GABRA3: variants seen among roughly 807,000 people sequenced by gnomAD.
GABRA3 encodes the protein gamma-aminobutyric acid receptor subunit alpha-3.
In GABRA3, 10 loss-of-function variants were observed where a neutral mutation model predicts 30.1. That is an observed-to-expected ratio of 0.33 (90% CI 0.20 to 0.56). GABRA3 has a LOEUF of 0.56. GABRA3 is among the 20% of genes least tolerant of loss of function. The pLI is 0.89. For missense variants in GABRA3, 233 were observed against 392.0 expected (o/e 0.59, Z 3.42); for synonymous variants, 151 against 146.8 (o/e 1.03, Z -0.21).
chrX:152,418,813 A>G (rs1029427964), intron 1 of GABRA3, among the ~76,000 whole-genome samples: 2 of 111,885 alleles, frequency 1.8e-5, no homozygotes, highest in Non-Finnish European at 3.8e-5. Flanking sequence ...AGGATTATAA[A>G]TCATGATGCT....
intron 9 of GABRA3, among the ~76,000 whole-genome samples, chrX:152,186,158 C>T (rs1222870265): frequency 9.0e-6 from 1 of 111,485 alleles, no homozygotes; most frequent in Non-Finnish European, 1.9e-5. Context: ...CCCCAGGGAC[C>T]TCCATTCAGT....
intron 1 of GABRA3, among the ~76,000 whole-genome samples, chrX:152,424,928 C>CTTTTTTTTTTT (rs747255822): frequency 4.7e-3 from 200 of 42,260 alleles, no homozygotes; most frequent in Non-Finnish European, 6.1e-3. Context: ...TTTTTCTTTT[C>CTTTTTTTTTTT]TTTTTTTTTT....
intron 5 of GABRA3, among the ~76,000 whole-genome samples, chrX:152,241,175 C>T (rs866662665): frequency 9.9e-4 from 97 of 97,882 alleles, no homozygotes; most frequent in African/African-American, 2.2e-3. Context: ...GATGGGTTTT[C>T]GGTGTGGATG....
intron 9 of GABRA3, among the ~76,000 whole-genome samples, chrX:152,188,738 A>G (rs1000053021): frequency 2.7e-5 from 3 of 111,726 alleles, no homozygotes; most frequent in African/African-American, 9.7e-5. Context: ...TCACCAATCT[A>G]TACTCTATGC....
intron 1 of GABRA3, among the ~76,000 whole-genome samples, chrX:152,368,917 G>A (rs968042408): frequency 9.0e-6 from 1 of 110,525 alleles, no homozygotes; most frequent in Admixed American, 9.6e-5. Context: ...GTGTTAGCCA[G>A]GATTGTCTCG....
chrX:152,256,046 G>C, intron 4 of GABRA3, 48 bp from the exon 5 acceptor site: 1 of 952,327 alleles, frequency 1.1e-6, no homozygotes, highest in Non-Finnish European at 1.5e-6. Flanking sequence ...GTTCTGGTAA[G>C]GGCTCATAGT....
rs751926124 is a variant in GABRA3, at chrX:152,298,889, G to A, written c.263-14154C>T. 2.7e-5 allele frequency among the ~76,000 whole-genome samples: 3 copies of A among 111,863 alleles called. No individual in the cohort carries two copies. In the Admixed American group the frequency reaches 2.9e-4, roughly 11 times the overall value. On this transcript the variant is annotated intron_variant, in intron 3 of 9. Coordinates refer to ENST00000370314, the MANE Select transcript of GABRA3 (RefSeq NM_000808.4). Reference sequence around the variant, plus strand: ...CTCCACATCCTCTCCAGCACCTGTTGTTTCCTGACTTTTTAATGATCGCCA... The same window carrying A: ...CTCCACATCCTCTCCAGCACCTGTTATTTCCTGACTTTTTAATGATCGCCA...
chrX:152,170,593 G>A (rs1255418730), intron 9 of GABRA3, among the ~76,000 whole-genome samples: 1 of 112,193 alleles, frequency 8.9e-6, no homozygotes, highest in Non-Finnish European at 1.9e-5. Context: ...TGGGATTACA[G>A]GTGCAAGCCA....
At chrX:152,436,376 GC>G (rs1236532685) in intron 1 of GABRA3, among the ~76,000 whole-genome samples, 2 of 111,752 alleles carry the variant, frequency 1.8e-5, no homozygotes, top group Non-Finnish European at 3.8e-5. Flanking sequence ...TTGGGTAGCT[GC>G]CTGGCCTCTA....
At chrX:152,344,349 G>T (rs181304505) in intron 3 of GABRA3, among the ~76,000 whole-genome samples, 96 of 111,494 alleles carry the variant, frequency 8.6e-4, no homozygotes, top group Non-Finnish European at 1.4e-3. Context: ...GTAATCCACC[G>T]AATAAAGCAA....
chrX:152,392,124 C>T, intron 1 of GABRA3: 1 of 335,821 alleles, frequency 3.0e-6, no homozygotes, highest in Admixed American at 2.9e-5. Flanking sequence ...ACTGATGGTG[C>T]CATGCTTCCT....
At chrX:152,284,647 T>C (rs374785528) in intron 4 of GABRA3, 21 bp downstream of exon 4, 17 of 1,125,445 alleles carry the variant, frequency 1.5e-5, no homozygotes, top group Middle Eastern at 2.5e-4. Context: ...CTCTTTTACA[T>C]TTACCTTTGC....
chrX:152,330,083 C>A lies in GABRA3; in HGVS notation c.262+15498G>T, dbSNP rs758320729. The stretch of plus-strand genomic sequence containing the variant: ...CAAAAGAATACATTAATACAACCAA[C>A]AGACACATGAAAAAATGCTCATCAT... On this transcript the variant is annotated intron_variant, in intron 3 of 9. Transcript: ENST00000370314. Among the ~76,000 whole-genome samples the A allele has an allele frequency of 7.6e-3, 855 of 111,842 alleles. 17 individuals are homozygous for A. Among genetic ancestry groups the A allele is most frequent in the African/African-American group, 0.026 (810 of 30,607 alleles).
chrX:152,325,005 G>A (rs965519357), intron 3 of GABRA3, among the ~76,000 whole-genome samples: 1 of 111,686 alleles, frequency 9.0e-6, no homozygotes, highest in African/African-American at 3.3e-5. Context: ...TAAAATGGGA[G>A]AGGTGATAGT....
intron 9 of GABRA3, among the ~76,000 whole-genome samples, chrX:152,176,010 G>A (rs933355831): frequency 9.1e-6 from 1 of 109,537 alleles, no homozygotes; most frequent in African/African-American, 3.3e-5. Context: ...GTTGCAGTGA[G>A]CCGAGATTGC....
At chrX:152,238,844 C>T (rs1406277695) in intron 5 of GABRA3, among the ~76,000 whole-genome samples, 3 of 109,869 alleles carry the variant, frequency 2.7e-5, no homozygotes, top group Admixed American at 9.7e-5. Flanking sequence ...GTGATATCCC[C>T]TTTATCATTT....
chrX:152,367,238 A>G (rs752640379), intron 1 of GABRA3, among the ~76,000 whole-genome samples: 1 of 111,541 alleles, frequency 9.0e-6, no homozygotes, highest in African/African-American at 3.3e-5. Context: ...TAAAAAAAAA[A>G]TGTCCTGTGA....
At position 152,296,476 on chromosome X, in the gene GABRA3, C is replaced by T. The variant is rs875479; in HGVS notation, c.263-11741G>A. Among the ~76,000 whole-genome samples the T allele has an allele frequency of 6.5e-3, 726 of 111,651 alleles. 10 individuals are homozygous for T. Among genetic ancestry groups the T allele is most frequent in the Admixed American group, 0.042 (443 of 10,465 alleles). Reference sequence around the variant, plus strand: ...GGAAGAATCATAAACAGGTTGCTTACGGAAGCAGAAATTACAAAAGATTGT... The same window carrying T: ...GGAAGAATCATAAACAGGTTGCTTATGGAAGCAGAAATTACAAAAGATTGT... On this transcript the variant is annotated intron_variant, in intron 3 of 9. Coordinates refer to ENST00000370314, the MANE Select transcript of GABRA3 (RefSeq NM_000808.4).
intron 7 of GABRA3, among the ~76,000 whole-genome samples, chrX:152,199,668 G>C (rs938044850): frequency 2.7e-5 from 3 of 110,745 alleles, no homozygotes; most frequent in Admixed American, 1.9e-4. Flanking sequence ...GGATCTAATA[G>C]GCATCTTGAC....
Sources: gnomAD v4.1 joint callset for allele counts (sites outside exome capture counted in the v4.1 genomes callset) on GRCh38, gnomAD v4.1.1 for gene constraint, MANE v1.5 for transcripts, NCBI Gene and HGNC (gene_info 2026-07-23, HGNC 2026-07-21) for gene names.